The following COG6 variants were observed in gnomAD, a reference collection of about 807,000 sequenced individuals.
COG6 encodes the protein conserved oligomeric Golgi complex subunit 6.
COG6 carries 74 observed loss-of-function variants against 88.8 expected under a neutral mutation model. The ratio of observed to expected loss-of-function variants is 0.83; its 90% CI spans 0.69 to 1.01. The LOEUF is 1.01. Ranked by LOEUF, COG6 falls within the 50% of genes least tolerant of loss-of-function variation. The probability of loss-of-function intolerance (pLI) is 0.00; values close to 1 mark genes in which losing one functional copy is unlikely to be tolerated. For synonymous variants in COG6, 286 were observed against 278.7 expected (o/e 1.03, Z -0.26); for missense variants, 800 against 797.9 (o/e 1.00, Z -0.03).
intron 16 of COG6, among the ~76,000 whole-genome samples, chr13:39,723,700 T>A (rs886918285): frequency 6.6e-6 from 1 of 152,078 alleles, no homozygotes; most frequent in Non-Finnish European, 1.5e-5. Context: ...CCCACAGTAT[T>A]AACAATCCTT....
intron 18 of COG6, among the ~76,000 whole-genome samples, chr13:39,780,186 A>T (rs1881589040): frequency 6.6e-6 from 1 of 152,250 alleles, no homozygotes; most frequent in African/African-American, 2.4e-5. Flanking sequence ...TACTTTTCTC[A>T]AGTACAGCCG....
Position 39,727,450 on chromosome 13 carries a change from A to G in COG6, c.1747-19A>G, listed in dbSNP as rs776576163. 6 of 1,575,674 alleles carry G rather than the reference A, an allele frequency of 3.8e-6. No individual in the cohort carries two copies. Among genetic ancestry groups the G allele is most frequent in the Non-Finnish European group, 5.2e-6 (6 of 1,145,124 alleles). On this transcript the variant is annotated intron_variant, in intron 17 of 18. Transcript: ENST00000455146. ...CACATATATGTACTTTATATTTTGT[A>G]TTTCTCTGTTTCATTTAGGTTCAGT...
At chr13:39,668,331 C>A (rs983583879) in intron 4 of COG6, among the ~76,000 whole-genome samples, 8 of 152,200 alleles carry the variant, frequency 5.3e-5, no homozygotes, top group South Asian at 2.1e-4. Context: ...ATTTGAAACA[C>A]CTGGCCTTAG....
chr13:39,775,803 C>T (rs140028108), intron 18 of COG6, among the ~76,000 whole-genome samples: 2,277 of 147,658 alleles, frequency 0.015, 68 homozygotes, highest in African/African-American at 0.053. Context: ...GAGTTTTGCT[C>T]TTGTTGCCTA....
chr13:39,762,183 T>TA (rs369414847), intron 18 of COG6, among the ~76,000 whole-genome samples: 36 of 152,012 alleles, frequency 2.4e-4, no homozygotes, highest in Middle Eastern at 3.4e-3. Context: ...TATTTAGCCA[T>TA]AAAAAATAAC....
intron 18 of COG6, among the ~76,000 whole-genome samples, chr13:39,736,095 A>G (rs1879728807): frequency 6.6e-6 from 1 of 151,920 alleles, no homozygotes; most frequent in African/African-American, 2.4e-5. Context: ...AACTTTCTAC[A>G]CTAATCTCTC....
chr13:39,687,881 C>T, intron 10 of COG6, 82 bp downstream of exon 10: 1 of 961,530 alleles, frequency 1.0e-6, no homozygotes, highest in Non-Finnish European at 1.6e-6. Flanking sequence ...TTGCCATCTT[C>T]TTCACTTAGA....
At chr13:39,709,336 A>G (rs935866780) in intron 13 of COG6, among the ~76,000 whole-genome samples, 2 of 152,044 alleles carry the variant, frequency 1.3e-5, no homozygotes, top group Admixed American at 1.3e-4. Flanking sequence ...TAATGCAGTC[A>G]TGTTACATTT....
At chr13:39,783,130 C>A (rs900563013) in intron 18 of COG6, among the ~76,000 whole-genome samples, 1 of 152,056 alleles carries the variant, frequency 6.6e-6, no homozygotes, top group Non-Finnish European at 1.5e-5. Flanking sequence ...TAGTAAAGCT[C>A]GAGTATTGAT....
intron 18 of COG6, among the ~76,000 whole-genome samples, chr13:39,758,301 T>C (rs1267990390): frequency 6.6e-6 from 1 of 150,990 alleles, no homozygotes; most frequent in Non-Finnish European, 1.5e-5. Context: ...AGAAGATTGC[T>C]GGAGGCCAGG....
intron 13 of COG6, 121 bp downstream of exon 13, chr13:39,699,739 T>G (rs1877471159): frequency 7.7e-6 from 5 of 648,886 alleles, no homozygotes; most frequent in Non-Finnish European, 1.4e-5. Context: ...GAGTTCTTCC[T>G]GTCACCAACA....
In COG6 at chr13:39,669,616, T is replaced by C. The variant is rs536178464; in HGVS notation, c.428+4462T>C. Among the ~76,000 whole-genome samples the C allele has an allele frequency of 2.6e-5, 4 of 152,304 alleles. No individual in the cohort carries two copies. In the South Asian group the frequency reaches 8.3e-4, roughly 32 times the overall value. On this transcript the variant is annotated intron_variant, in intron 4 of 18. Coordinates refer to ENST00000455146, the MANE Select transcript of COG6 (RefSeq NM_020751.3). ...TGAATATGGAAAGCAACTATAATGT[T>C]AGGAAAGGAACATAAAACTGAAAAA... is the stretch of plus-strand genomic sequence containing the variant.
At chr13:39,677,298 A>G (rs1876029479) in intron 4 of COG6, among the ~76,000 whole-genome samples, 170 bp from the exon 5 acceptor site, 1 of 152,200 alleles carries the variant, frequency 6.6e-6, no homozygotes, top group Admixed American at 6.5e-5. Context: ...TTTATCACCT[A>G]CATGTCTGAT....
intron 18 of COG6, among the ~76,000 whole-genome samples, chr13:39,757,998 G>T (rs984782144): frequency 1.3e-5 from 2 of 152,102 alleles, no homozygotes; most frequent in Non-Finnish European, 2.9e-5. Flanking sequence ...GAGGCAGGCA[G>T]ATCATGAAGT....
chr13:39,705,162 A>G (rs1022168370), intron 13 of COG6, among the ~76,000 whole-genome samples: 7 of 152,196 alleles, frequency 4.6e-5, no homozygotes, highest in African/African-American at 1.7e-4. Context: ...ACCCAAGTGG[A>G]AATTTTTGTT....
At chr13:39,691,964 T>C (rs1479666582) in intron 11 of COG6, among the ~76,000 whole-genome samples, 1 of 71,162 alleles carries the variant, frequency 1.4e-5, no homozygotes, top group Non-Finnish European at 3.4e-5. Flanking sequence ...GAGATTTTGA[T>C]TTTTAGAAAC....
rs71298976 is a variant in COG6 at position 39,706,255 on chromosome 13, TTATA to T, written c.1284+6657_1284+6660del. 1.9e-3 allele frequency among the ~76,000 whole-genome samples: 222 copies of T among 114,672 alleles called. 6 individuals carry two copies. The highest frequency in any genetic ancestry group is 6.5e-3 in the African/African-American group (200 of 30,798). 75.2% of individuals were successfully genotyped at this position (114,672 alleles called of 152,430 possible). On this transcript the variant is annotated intron_variant, in intron 13 of 18. Coordinates refer to ENST00000455146, the MANE Select transcript of COG6 (RefSeq NM_020751.3). Reference sequence around the variant, plus strand: ...CTCCTTTATATATATATATACTCCTTTATATATATATATATATATATATTTAAAT... The same window carrying T: ...CTCCTTTATATATATATATACTCCTTTATATATATATATATATATTTAAAT...
chr13:39,713,329 C>T (rs1213526036), intron 13 of COG6, among the ~76,000 whole-genome samples: 1 of 152,154 alleles, frequency 6.6e-6, no homozygotes, highest in African/African-American at 2.4e-5. Context: ...AGTATTTGGC[C>T]TCCACAGCCT....
chr13:39,668,342 A>G (rs1255884542), intron 4 of COG6, among the ~76,000 whole-genome samples: 2 of 152,178 alleles, frequency 1.3e-5, no homozygotes, highest in East Asian at 1.9e-4. Flanking sequence ...CTGGCCTTAG[A>G]CAAAATATTA....
Sources: gnomAD v4.1 joint callset for allele counts (sites outside exome capture counted in the v4.1 genomes callset) on GRCh38, gnomAD v4.1.1 for gene constraint, MANE v1.5 for transcripts, NCBI Gene and HGNC (gene_info 2026-07-23, HGNC 2026-07-21) for gene names.